The following CNGB3 variants were observed in gnomAD, a reference collection of about 807,000 sequenced individuals.
CNGB3 encodes the protein cyclic nucleotide-gated channel beta-3.
CNGB3 carries 86 observed loss-of-function variants against 92.8 expected under a neutral mutation model. That is an observed-to-expected ratio of 0.93 (90% confidence interval 0.78 to 1.11). CNGB3 has a LOEUF of 1.11. Ranked by LOEUF, CNGB3 falls within the 50% of genes least tolerant of loss-of-function variation. CNGB3 has a pLI of 0.00. For synonymous variants in CNGB3, 333 were observed against 332.7 expected (o/e 1.00, Z -0.01); for missense variants, 1,026 against 956.8 (o/e 1.07, Z -0.95).
At chr8:86,690,280 T>C (rs956854033) in intron 3 of CNGB3, among the ~76,000 whole-genome samples, 4 of 152,232 alleles carry the variant, frequency 2.6e-5, no homozygotes, top group African/African-American at 7.2e-5. Context: ...TGGTATCTCA[T>C]TGTGGTTTTG....
intron 3 of CNGB3, among the ~76,000 whole-genome samples, chr8:86,723,785 A>T (rs2131669439): frequency 6.6e-6 from 1 of 152,332 alleles, no homozygotes; most frequent in Non-Finnish European, 1.5e-5. Flanking sequence ...ACTTGGGTCT[A>T]CTTAGTTTGT....
intron 3 of CNGB3, among the ~76,000 whole-genome samples, chr8:86,710,510 C>T (rs1423227813): frequency 1.3e-5 from 2 of 152,148 alleles, no homozygotes; most frequent in African/African-American, 4.8e-5. Flanking sequence ...CATTTATTCT[C>T]TCACCATGGG....
At chr8:86,660,341 A>C in intron 6 of CNGB3, 1 of 376,378 alleles carries the variant, frequency 2.7e-6, no homozygotes, top group Non-Finnish European at 5.2e-6. Flanking sequence ...GATCCTGGCA[A>C]CCACTGCTAA....
chr8:86,605,698 T>C (rs1048606589), intron 14 of CNGB3, among the ~76,000 whole-genome samples: 2 of 152,238 alleles, frequency 1.3e-5, no homozygotes, highest in African/African-American at 4.8e-5. Context: ...ATGTCTACTT[T>C]GTTGCAGTGC....
At chr8:86,597,998 A>G (rs1822209453) in intron 15 of CNGB3, among the ~76,000 whole-genome samples, 2 of 150,038 alleles carry the variant, frequency 1.3e-5, no homozygotes, top group South Asian at 4.1e-4. Context: ...AATAAAATAA[A>G]ATAAAATAAA....
intron 15 of CNGB3, among the ~76,000 whole-genome samples, chr8:86,579,596 A>T (rs1315407926): frequency 6.6e-6 from 1 of 151,996 alleles, no homozygotes; most frequent in Non-Finnish European, 1.5e-5. Context: ...ACCTCTCCCC[A>T]TGCTCCTTTG....
chr8:86,587,879 G>A (rs1267923564), intron 15 of CNGB3, among the ~76,000 whole-genome samples: 5 of 152,094 alleles, frequency 3.3e-5, no homozygotes. Flanking sequence ...GTGATGAAAC[G>A]CATTGGTAGC....
intron 15 of CNGB3, among the ~76,000 whole-genome samples, chr8:86,581,321 C>G (rs939534971): frequency 2.6e-5 from 4 of 152,054 alleles, no homozygotes; most frequent in African/African-American, 9.7e-5. Context: ...TTGTTGGAGG[C>G]TGAATGTGGA....
chr8:86,597,736 C>A (rs1327003709), intron 15 of CNGB3, among the ~76,000 whole-genome samples: 1 of 152,060 alleles, frequency 6.6e-6, no homozygotes, highest in Non-Finnish European at 1.5e-5. Context: ...ATCCAGCACT[C>A]TGGGAGGCCG....
intron 1 of CNGB3, among the ~76,000 whole-genome samples, chr8:86,740,415 A>G (rs1825320641): frequency 6.6e-6 from 1 of 152,242 alleles, no homozygotes; most frequent in African/African-American, 2.4e-5. Context: ...GAAAGAAAGG[A>G]AACTATTCCA....
At chr8:86,656,849 GA>G (rs572597388) in intron 6 of CNGB3, among the ~76,000 whole-genome samples, 432 of 152,204 alleles carry the variant, frequency 2.8e-3, no homozygotes, top group African/African-American at 9.8e-3. Context: ...TATCAATAAA[GA>G]AGTTTCCCAG....
chr8:86,638,807 T>C (rs913204739), intron 10 of CNGB3, among the ~76,000 whole-genome samples: 3 of 151,954 alleles, frequency 2.0e-5, no homozygotes, highest in African/African-American at 7.2e-5. Context: ...TTCCTTCTGA[T>C]CCACTGATTC....
At chr8:86,682,738 AT>A (rs1563752926) in intron 3 of CNGB3, among the ~76,000 whole-genome samples, 1 of 152,210 alleles carries the variant, frequency 6.6e-6, no homozygotes, top group East Asian at 1.9e-4. Flanking sequence ...GTCCGAGTCA[AT>A]AATGCAAAAT....
At chr8:86,628,471 G>A (rs1185046653) in intron 12 of CNGB3, among the ~76,000 whole-genome samples, 3 of 152,118 alleles carry the variant, frequency 2.0e-5, no homozygotes, top group Admixed American at 2.0e-4. Context: ...TGTGTTCTGG[G>A]TAAGAGAGTG....
At chr8:86,730,052 C>T (rs1193091250) in intron 2 of CNGB3, among the ~76,000 whole-genome samples, 1 of 152,176 alleles carries the variant, frequency 6.6e-6, no homozygotes, top group East Asian at 1.9e-4. Context: ...GTTGCCTTTA[C>T]TGAATGTGCA....
At chr8:86,585,658 C>G (rs959869981) in intron 15 of CNGB3, among the ~76,000 whole-genome samples, 6 of 152,140 alleles carry the variant, frequency 3.9e-5, no homozygotes, top group African/African-American at 1.4e-4. Flanking sequence ...TAGGTGTAAG[C>G]CTTCTGTACC....
intron 3 of CNGB3, 144 bp from the exon 4 acceptor site, chr8:86,671,242 G>C: frequency 1.2e-6 from 1 of 851,260 alleles, no homozygotes; most frequent in African/African-American, 1.7e-5. Context: ...TCAAACATTA[G>C]GTTTAATGGA....
intron 6 of CNGB3, chr8:86,661,700 AT>A: frequency 7.9e-7 from 1 of 1,259,424 alleles, no homozygotes; most frequent in Non-Finnish European, 1.2e-6. Flanking sequence ...AGTCACTTCT[AT>A]TTTCCCATTC....
At chr8:86,716,052 A>G (rs1824847968) in intron 3 of CNGB3, among the ~76,000 whole-genome samples, 1 of 152,128 alleles carries the variant, frequency 6.6e-6, no homozygotes, top group African/African-American at 2.4e-5. Context: ...CAACTTCTGA[A>G]AATCAAGGAC....
Sources: allele counts gnomAD v4.1 joint callset (sites outside exome capture counted in the v4.1 genomes callset), GRCh38; gene constraint gnomAD v4.1.1; transcripts MANE v1.5; gene names NCBI Gene and HGNC (gene_info 2026-07-23, HGNC 2026-07-21).